Variants in FAM168A observed in about 807,000 individuals in gnomAD.
FAM168A encodes the protein protein FAM168A.
In FAM168A, 3 loss-of-function variants were observed where a neutral mutation model predicts 28.5. The ratio of observed to expected loss-of-function variants is 0.11; its 90% CI spans 0.05 to 0.27. The LOEUF is 0.27. FAM168A is among the 10% of genes least tolerant of loss of function. The pLI is 1.00. For synonymous variants in FAM168A, 122 were observed against 124.2 expected (o/e 0.98, Z 0.12); for missense variants, 222 against 311.5 (o/e 0.71, Z 2.16).
At chr11:73,577,942 A>G (rs112018437) in intron 1 of FAM168A, among the ~76,000 whole-genome samples, 5 of 152,298 alleles carry the variant, frequency 3.3e-5, no homozygotes, top group African/African-American at 1.2e-4. Flanking sequence ...TGTTTCAAAA[A>G]CACTGGAAGC....
At chr11:73,476,362 G>C (rs546162000) in intron 1 of FAM168A, among the ~76,000 whole-genome samples, 1 of 139,168 alleles carries the variant, frequency 7.2e-6, no homozygotes, top group South Asian at 2.2e-4. Context: ...AGAGACATCA[G>C]AAATCACACT....
intron 2 of FAM168A, among the ~76,000 whole-genome samples, chr11:73,451,408 T>G (rs905769744): frequency 1.3e-5 from 2 of 152,232 alleles, no homozygotes; most frequent in African/African-American, 4.8e-5. Context: ...CATTCAGTCC[T>G]TTATTCACTC....
intron 1 of FAM168A, among the ~76,000 whole-genome samples, chr11:73,596,079 G>A (rs555974706): frequency 1.2e-4 from 18 of 152,252 alleles, no homozygotes; most frequent in South Asian, 2.1e-4. Context: ...AACAAATGGC[G>A]TCTTCAAGCA....
At chr11:73,431,321 G>A (rs1203148599) in intron 2 of FAM168A, among the ~76,000 whole-genome samples, 3 of 152,060 alleles carry the variant, frequency 2.0e-5, no homozygotes, top group East Asian at 1.9e-4. Context: ...TAGCCTGGGC[G>A]ACAGAGCAAG....
chr11:73,485,087 T>C (rs577786872), intron 1 of FAM168A, among the ~76,000 whole-genome samples: 55 of 152,308 alleles, frequency 3.6e-4, no homozygotes, highest in African/African-American at 1.3e-3. Flanking sequence ...ATCAATACTT[T>C]GCATCCTTCA....
intron 1 of FAM168A, among the ~76,000 whole-genome samples, chr11:73,545,454 G>A (rs1943734898): frequency 6.6e-6 from 1 of 152,018 alleles, no homozygotes; most frequent in South Asian, 2.1e-4. Flanking sequence ...GGGGACAACA[G>A]AGGGTGATTG....
At chr11:73,501,160 T>C (rs1374691807) in intron 1 of FAM168A, among the ~76,000 whole-genome samples, 1 of 152,202 alleles carries the variant, frequency 6.6e-6, no homozygotes, top group Admixed American at 6.5e-5. Context: ...TGAATATATA[T>C]GCATCCAATA....
chr11:73,404,367 C>G lies in FAM168A; in HGVS notation c.*2396G>C, dbSNP rs1866465893. 1 of 152,196 alleles carries G rather than the reference C, an allele frequency of 6.6e-6. No individual in the cohort carries two copies. The highest frequency in any genetic ancestry group is 2.4e-5 in the African/African-American group (1 of 41,440). 9.4% of individuals were successfully genotyped at this position (152,196 alleles called of 1,614,324 possible). On this transcript the variant is annotated 3_prime_UTR_variant, in exon 8 of 8. Transcript: ENST00000356467. ...GTAATAACTCTAACCCTGTCCCTCT[C>G]AGGGCGAGTACATGAAAGGCCGTGA...
At chr11:73,524,313 C>T (rs1401629357) in intron 1 of FAM168A, among the ~76,000 whole-genome samples, 3 of 151,524 alleles carry the variant, frequency 2.0e-5, no homozygotes, top group Non-Finnish European at 2.9e-5. Context: ...TACTTAAGTC[C>T]TGGGAAAAGT....
chr11:73,418,809 A>AT lies in FAM168A; in HGVS notation c.277+1064dup, dbSNP rs61036118. 8.0e-3 allele frequency among the ~76,000 whole-genome samples: 1,093 copies of AT among 136,172 alleles called. 5 individuals carry two copies. The highest frequency in any genetic ancestry group is 0.018 in the African/African-American group (638 of 36,250). 89.3% of individuals were successfully genotyped at this position (136,172 alleles called of 152,430 possible). On this transcript the variant is annotated intron_variant, in intron 4 of 7. Transcript: ENST00000356467. The stretch of plus-strand genomic sequence containing the variant: ...AGTCAAAATGCCACTCAGTAATTTC[A>AT]TTTTTTTTTTTTTTTTTGAGACGGA...
At chr11:73,561,027 A>C (rs1242299636) in intron 1 of FAM168A, among the ~76,000 whole-genome samples, 1 of 146,322 alleles carries the variant, frequency 6.8e-6, no homozygotes, top group Non-Finnish European at 1.5e-5. Flanking sequence ...GCGCCACTGC[A>C]CTCCAGCCTG....
chr11:73,521,832 G>A (rs1943384351), intron 1 of FAM168A, among the ~76,000 whole-genome samples: 1 of 152,100 alleles, frequency 6.6e-6, no homozygotes, highest in Non-Finnish European at 1.5e-5. Flanking sequence ...ACTAGACAAT[G>A]GGACTCCTCA....
At chr11:73,481,480 T>C (rs960152545) in intron 1 of FAM168A, among the ~76,000 whole-genome samples, 1 of 152,184 alleles carries the variant, frequency 6.6e-6, no homozygotes, top group Admixed American at 6.5e-5. Context: ...AGAAATGGAT[T>C]GCTGCAGACA....
chr11:73,482,675 C>G (rs540265294), intron 1 of FAM168A, among the ~76,000 whole-genome samples: 1 of 151,952 alleles, frequency 6.6e-6, no homozygotes, highest in South Asian at 2.1e-4. Context: ...CCTGAGGAAG[C>G]AATATGTGTG....
intron 2 of FAM168A, among the ~76,000 whole-genome samples, chr11:73,433,185 T>G (rs1274990117): frequency 6.9e-6 from 1 of 144,120 alleles, no homozygotes; most frequent in Non-Finnish European, 1.5e-5. Context: ...CTCGGCCTCC[T>G]AAAGTGCTGG....
At chr11:73,437,826 G>A (rs7933274) in intron 2 of FAM168A, among the ~76,000 whole-genome samples, 3 of 151,966 alleles carry the variant, frequency 2.0e-5, no homozygotes, top group Admixed American at 2.0e-4. Flanking sequence ...CAGCTTGCTA[G>A]AGATATGAAG....
chr11:73,445,802 C>A lies in FAM168A; in HGVS notation c.71-15032G>T, dbSNP rs745940683. 1.2e-3 allele frequency among the ~76,000 whole-genome samples: 182 copies of A among 152,256 alleles called. 1 individual carries two copies. The highest frequency in any genetic ancestry group is 3.9e-4 in the East Asian group (2 of 5,180). ...CCATTAGGTTACTATATGACCTGGG[C>A]AAGACACTTACAGCCCTTATCAAAT... On this transcript the variant is annotated intron_variant, in intron 2 of 7. Transcript: ENST00000356467.
rs1445683057 is a variant in FAM168A, at chr11:73,409,651, T to A, written c.431A>T (p.Tyr144Phe). 1 of 1,602,594 alleles carries A rather than the reference T, an allele frequency of 6.2e-7. No individual in the cohort carries two copies. Among genetic ancestry groups the A allele is most frequent in the African/African-American group, 1.3e-5 (1 of 74,526 alleles). ...QQNLYAQGAY[Y>F]TQPVYAAQPH... The stretch of plus-strand genomic sequence containing the variant: ...CTGGGCAGCATACACCGGCTGTGTG[T>A]AGTAGGCTCCCTGGGGGAAAGAGGC... Residue 144 changes from tyrosine (Y) to phenylalanine (F), a missense_variant, in exon 6 of 8, where the codon TAC becomes TTC. Coordinates refer to ENST00000356467, the MANE Select transcript of FAM168A (RefSeq NM_015159.3).
In FAM168A at chr11:73,406,729, A is replaced by G. The variant is rs557287883; in HGVS notation, c.*34T>C. On this transcript the variant is annotated 3_prime_UTR_variant, in exon 8 of 8. Coordinates refer to ENST00000356467, the MANE Select transcript of FAM168A (RefSeq NM_015159.3). Reference sequence around the variant, plus strand: ...TGTAAGACTTGAGTAGTTGCATACAATGTGTGACTCCAGATCTGCAGAGGG... The same window carrying G: ...TGTAAGACTTGAGTAGTTGCATACAGTGTGTGACTCCAGATCTGCAGAGGG... 2.0e-5 allele frequency: 3 copies of G among 152,780 alleles called. No homozygotes were observed. Among genetic ancestry groups the G allele is most frequent in the East Asian group, 1.9e-4 (1 of 5,196 alleles). The allele number at this position is 152,780 out of a possible 1,614,324, so 9.5% of individuals were successfully genotyped here.
Sources: allele counts gnomAD v4.1 joint callset (sites outside exome capture counted in the v4.1 genomes callset), GRCh38; gene constraint gnomAD v4.1.1; transcripts MANE v1.5; gene names NCBI Gene and HGNC (gene_info 2026-07-23, HGNC 2026-07-21).